Variants in KHDRBS1 observed in about 807,000 individuals in gnomAD.
KHDRBS1 encodes KH RNA binding domain containing, signal transduction associated 1, also known as KH domain-containing, RNA-binding, signal transduction-associated protein 1.
KHDRBS1 carries 7 observed loss-of-function variants against 48.4 expected under a neutral mutation model. The ratio of observed to expected loss-of-function variants is 0.14; its 90% CI spans 0.08 to 0.27. The LOEUF is 0.27. KHDRBS1 is among the 10% of genes least tolerant of loss of function. KHDRBS1 has a pLI of 1.00. For missense variants in KHDRBS1, 458 were observed against 601.2 expected, an observed-to-expected ratio of 0.76 and a Z score of 2.49; for synonymous variants, 241 against 235.8, an observed-to-expected ratio of 1.02 and a Z score of -0.20.
chr1:32,048,439 G>T (rs75007894), downstream of KHDRBS1, among the ~76,000 whole-genome samples: 1 of 152,196 alleles, frequency 6.6e-6, no homozygotes, highest in Non-Finnish European at 1.5e-5. Flanking sequence ...GAGTCGAGGA[G>T]TTCAAGGTTA....
chr1:32,026,179 G>A (rs1638967704), intron 1 of KHDRBS1, among the ~76,000 whole-genome samples: 1 of 151,818 alleles, frequency 6.6e-6, no homozygotes, highest in Non-Finnish European at 1.5e-5. Flanking sequence ...GCTTTCCTTT[G>A]CTTTTTTGAG....
At position 32,042,647 on chromosome 1, in the gene KHDRBS1, T is replaced by C. The variant is rs370852089; in HGVS notation, c.*23T>C. 2.0e-5 allele frequency: 29 copies of C among 1,430,450 alleles called. No individual in the cohort carries two copies. The highest frequency in any genetic ancestry group is 2.6e-5 in the Non-Finnish European group (26 of 1,014,226). The allele number at this position is 1,430,450 out of a possible 1,614,324, so 88.6% of individuals were successfully genotyped here. A position where few individuals can be genotyped will look rare whatever the true frequency, so the allele number is the denominator to read the frequency against. ...TAAAAACAAACATGAGGGGAAAATA[T>C]CAGTTATGAGCAAAGTTGTTACTGA... On this transcript the variant is annotated 3_prime_UTR_variant, in exon 9 of 9. Coordinates refer to ENST00000327300, the MANE Select transcript of KHDRBS1 (RefSeq NM_006559.3).
chr1:32,041,192 T>A, intron 8 of KHDRBS1, among the ~76,000 whole-genome samples: 1 of 152,098 alleles, frequency 6.6e-6, no homozygotes, highest in East Asian at 1.9e-4. Flanking sequence ...ATGATCTGTA[T>A]ACGTCAGGAA....
chr1:32,020,100 G>GT (rs1479427791), intron 1 of KHDRBS1, among the ~76,000 whole-genome samples: 1 of 151,136 alleles, frequency 6.6e-6, no homozygotes, highest in Non-Finnish European at 1.5e-5. Context: ...TTTGTTTTTT[G>GT]TTTTTTACAA....
chr1:32,044,942 AT>A (rs1639340478), downstream of KHDRBS1, among the ~76,000 whole-genome samples: 1 of 152,248 alleles, frequency 6.6e-6, no homozygotes, highest in African/African-American at 2.4e-5. Context: ...AACTTGTTTA[AT>A]AAAAATAGCT....
intron 1 of KHDRBS1, among the ~76,000 whole-genome samples, chr1:32,024,257 A>G (rs1171923413): frequency 6.6e-6 from 1 of 152,022 alleles, no homozygotes; most frequent in East Asian, 1.9e-4. Flanking sequence ...CGTTTCAAAA[A>G]AAAAAAGTCA....
intron 10 of KHDRBS1, among the ~76,000 whole-genome samples, chr1:32,056,965 A>G (rs749639413): frequency 4.9e-5 from 7 of 141,508 alleles, no homozygotes; most frequent in Non-Finnish European, 8.8e-5. Flanking sequence ...CATAAATAAC[A>G]TAATTTCAAT....
At position 32,042,676 on chromosome 1, in the gene KHDRBS1, C is replaced by T; in HGVS notation, c.*52C>T. ...TTATGAGCAAAGTTGTTACTGATTT[C>T]TTGTATCTCCCAGGATTCCTGTTGC... On this transcript the variant is annotated 3_prime_UTR_variant, in exon 9 of 9. Transcript: ENST00000327300. 1 of 1,100,856 alleles carries T rather than the reference C, an allele frequency of 9.1e-7. No homozygotes were observed. The highest frequency in any genetic ancestry group is 1.3e-5 in the South Asian group (1 of 78,594). The allele number at this position is 1,100,856 out of a possible 1,614,324, so 68.2% of individuals were successfully genotyped here. A position where few individuals can be genotyped will look rare whatever the true frequency, so the allele number is the denominator to read the frequency against.
At chr1:32,056,193 G>A (rs11579117) in intron 10 of KHDRBS1, among the ~76,000 whole-genome samples, 7,578 of 151,512 alleles carry the variant, frequency 0.05, 238 homozygotes, top group Non-Finnish European at 0.077. Context: ...CAGGGAATGG[G>A]CCGATAGGAG....
chr1:32,050,402 G>GA (rs1471959124), intron 10 of KHDRBS1, among the ~76,000 whole-genome samples: 1 of 151,972 alleles, frequency 6.6e-6, no homozygotes, highest in African/African-American at 2.4e-5. Context: ...CAGTTTATCT[G>GA]TTTTTTTCTT....
chr1:32,057,534 T>G (rs1639493099), intron 10 of KHDRBS1, among the ~76,000 whole-genome samples: 1 of 151,516 alleles, frequency 6.6e-6, no homozygotes, highest in African/African-American at 2.4e-5. Flanking sequence ...GCGTGGTGGC[T>G]TAACGCCTGT....
Position 32,030,342 on chromosome 1 carries a change from G to A in KHDRBS1, c.427G>A (p.Glu143Lys), listed in dbSNP as rs766776350. ...AGGAGACTCAAAAAAGGATGATGAG[G>A]AGAATTACTTGGATTTATTTTCTCA... ...QKGDSKKDDE[E>K]NYLDLFSHKN... The change falls in exon 2 of 9, where the codon GAG becomes AAG. Residue 143 changes from glutamate (E) to lysine (K), a missense_variant. Glu to Lys is a moderately conservative substitution (Grantham distance 56, BLOSUM62 1). Transcript: ENST00000327300. 1 of 1,611,500 alleles carries A rather than the reference G, an allele frequency of 6.2e-7. No individual in the cohort carries two copies. The highest frequency in any genetic ancestry group is 8.5e-7 in the Non-Finnish European group (1 of 1,178,200).
chr1:32,025,161 G>C (rs1009579340), intron 1 of KHDRBS1, among the ~76,000 whole-genome samples: 25 of 151,696 alleles, frequency 1.6e-4, no homozygotes, highest in African/African-American at 5.8e-4. Context: ...ACCTACTGGG[G>C]GTGCTGAGGT....
Position 32,013,936 on chromosome 1 carries a change from G to A in KHDRBS1, c.-60G>A. Reference sequence around the variant, plus strand: ...CGCTCTGCCACCCCCGCCAACCGCCGCTCGGGCCTCCGTCGCTGCCGCGTC... The same window carrying A: ...CGCTCTGCCACCCCCGCCAACCGCCACTCGGGCCTCCGTCGCTGCCGCGTC... On this transcript the variant is annotated 5_prime_UTR_variant, in exon 1 of 9. Coordinates refer to ENST00000327300, the MANE Select transcript of KHDRBS1 (RefSeq NM_006559.3). 1.1e-5 allele frequency: 15 copies of A among 1,357,964 alleles called. No homozygotes were observed. Among genetic ancestry groups the A allele is most frequent in the Non-Finnish European group, 1.3e-5 (14 of 1,057,130 alleles). 84.1% of individuals were successfully genotyped at this position (1,357,964 alleles called of 1,614,324 possible). A position where few individuals can be genotyped will look rare whatever the true frequency, so the allele number is the denominator to read the frequency against.
At chr1:32,051,177 C>G (rs913576645) in intron 10 of KHDRBS1, among the ~76,000 whole-genome samples, 2 of 152,204 alleles carry the variant, frequency 1.3e-5, no homozygotes, top group African/African-American at 4.8e-5. Flanking sequence ...GGATTACAGG[C>G]GTGAGCCACC....
intron 10 of KHDRBS1, among the ~76,000 whole-genome samples, chr1:32,053,697 C>A (rs1436477034): frequency 6.6e-6 from 1 of 152,126 alleles, no homozygotes; most frequent in African/African-American, 2.4e-5. Flanking sequence ...CAAATTCTGC[C>A]TTAGTTTCAA....
chr1:32,022,114 C>T (rs958794045), intron 1 of KHDRBS1, among the ~76,000 whole-genome samples: 6 of 151,846 alleles, frequency 4.0e-5, no homozygotes, highest in South Asian at 2.1e-4. Context: ...ACTACAGGAG[C>T]GCGCCACCAC....
In KHDRBS1 at chr1:32,054,108, A is replaced by G. The variant is rs1243097007; in HGVS notation, n.1302-6055A>G. Reference sequence around the variant, plus strand: ...ACATTTAACATGACACACAGTAAGCACTCAAATATTAGCTATAAATAGAGA... The same window carrying G: ...ACATTTAACATGACACACAGTAAGCGCTCAAATATTAGCTATAAATAGAGA... On this transcript the variant is annotated intron_variant and non_coding_transcript_variant, in intron 10 of 10. Coordinates refer to the KHDRBS1 transcript ENST00000484270. 3.3e-5 allele frequency among the ~76,000 whole-genome samples: 5 copies of G among 152,138 alleles called. No homozygotes were observed. In the South Asian group the frequency reaches 1.0e-3, roughly 32 times the overall value.
At chr1:32,040,100 C>T (rs540616437) in intron 8 of KHDRBS1, among the ~76,000 whole-genome samples, 129 of 152,190 alleles carry the variant, frequency 8.5e-4, no homozygotes, top group South Asian at 5.8e-3. Context: ...GCTAGCCAGA[C>T]CAGGTTGCGG....
Sources: allele counts gnomAD v4.1 joint callset (sites outside exome capture counted in the v4.1 genomes callset), GRCh38; gene constraint gnomAD v4.1.1; transcripts MANE v1.5; gene names NCBI Gene and HGNC (gene_info 2026-07-23, HGNC 2026-07-21).